Variants in ERBB4 observed in about 807,000 individuals in gnomAD.
ERBB4 encodes the protein receptor tyrosine-protein kinase erbB-4.
In ERBB4, 42 loss-of-function variants were observed where a neutral mutation model predicts 158.0. That is an observed-to-expected ratio of 0.27 (90% CI 0.21 to 0.34). ERBB4 has a LOEUF of 0.34. Ranked by LOEUF, ERBB4 falls within the 10% of genes least tolerant of loss-of-function variation. The pLI, the probability that ERBB4 is intolerant of heterozygous loss-of-function variation, is 1.00. For missense variants in ERBB4, 1,333 were observed against 1,624.1 expected (o/e 0.82, Z 3.08); for synonymous variants, 583 against 558.7 (o/e 1.04, Z -0.61).
At chr2:211,756,438 A>G (rs146614553) in intron 4 of ERBB4, among the ~76,000 whole-genome samples, 55 of 152,332 alleles carry the variant, frequency 3.6e-4, no homozygotes, top group Middle Eastern at 3.4e-3. Flanking sequence ...CATAGTTTGC[A>G]TGAGTAATAG....
chr2:212,411,137 AAAAC>A (rs1345106610), intron 1 of ERBB4, among the ~76,000 whole-genome samples: 1 of 152,260 alleles, frequency 6.6e-6, no homozygotes, highest in South Asian at 2.1e-4. Context: ...AAATAACTAG[AAAAC>A]AAACAAAAAT....
intron 3 of ERBB4, among the ~76,000 whole-genome samples, chr2:211,872,072 G>A (rs955950774): frequency 2.1e-5 from 2 of 95,598 alleles, no homozygotes; most frequent in African/African-American, 6.9e-5. Flanking sequence ...TGCTTTTAAT[G>A]ATTATTCATG....
At chr2:212,189,477 G>A (rs1366048095) in intron 1 of ERBB4, among the ~76,000 whole-genome samples, 3 of 152,044 alleles carry the variant, frequency 2.0e-5, no homozygotes, top group African/African-American at 7.2e-5. Context: ...CAAAAACTCT[G>A]ATCCACCTTC....
intron 19 of ERBB4, among the ~76,000 whole-genome samples, chr2:211,580,873 A>G (rs1323632551): frequency 2.1e-3 from 2 of 940 alleles, no homozygotes; most frequent in South Asian, 0.036. Flanking sequence ...ATACATATAT[A>G]TATATATATA....
chr2:211,726,058 A>G (rs547518028), intron 5 of ERBB4, among the ~76,000 whole-genome samples: 4 of 152,276 alleles, frequency 2.6e-5, no homozygotes, highest in African/African-American at 9.6e-5. Context: ...TTATTCCAAA[A>G]ATATTTTTAG....
At chr2:212,360,634 T>C (rs2089651538) in intron 1 of ERBB4, among the ~76,000 whole-genome samples, 1 of 151,690 alleles carries the variant, frequency 6.6e-6, no homozygotes, top group African/African-American at 2.4e-5. Flanking sequence ...TATTAATGAT[T>C]ATGTATGGAT....
At chr2:212,216,883 A>C (rs181561617) in intron 1 of ERBB4, among the ~76,000 whole-genome samples, 2 of 151,528 alleles carry the variant, frequency 1.3e-5, no homozygotes, top group Admixed American at 1.3e-4. Flanking sequence ...GCAAGAGAGC[A>C]AGAGTACACT....
chr2:211,885,129 C>T (rs1016050385), intron 3 of ERBB4, among the ~76,000 whole-genome samples: 1 of 151,910 alleles, frequency 6.6e-6, no homozygotes, highest in Non-Finnish European at 1.5e-5. Context: ...AAAACTTTTT[C>T]AAAGGTAATA....
intron 2 of ERBB4, among the ~76,000 whole-genome samples, chr2:212,065,021 GTGTGTGT>G (rs1559426149): frequency 2.0e-5 from 3 of 149,434 alleles, no homozygotes; most frequent in African/African-American, 7.4e-5. Context: ...GTGTGTGTGT[GTGTGTGT>G]TGTGTGTGTG....
At chr2:211,877,214 G>T (rs1289806994) in intron 3 of ERBB4, among the ~76,000 whole-genome samples, 1 of 152,158 alleles carries the variant, frequency 6.6e-6, no homozygotes, top group East Asian at 1.9e-4. Flanking sequence ...TTATGACGTG[G>T]TGGCTGAAGC....
At chr2:211,879,443 A>C (rs1414628042) in intron 3 of ERBB4, among the ~76,000 whole-genome samples, 1 of 152,220 alleles carries the variant, frequency 6.6e-6, no homozygotes, top group African/African-American at 2.4e-5. Flanking sequence ...TACAAATTTA[A>C]ATAAATATAT....
chr2:212,155,574 T>C (rs1370138670), intron 1 of ERBB4, among the ~76,000 whole-genome samples: 1 of 152,048 alleles, frequency 6.6e-6, no homozygotes, highest in Non-Finnish European at 1.5e-5. Context: ...TCCAAATAAT[T>C]ATCATGCATA....
rs139234894 is a variant in ERBB4, at chr2:211,432,814, A to G, written c.2488-1714T>C. On this transcript the variant is annotated intron_variant, in intron 20 of 27. Transcript: ENST00000342788. Reference sequence around the variant, plus strand: ...TATAGACAGATACTGAGAAGACAAAAAAGATTCAGATAAGGTCTGTATATT... The same window carrying G: ...TATAGACAGATACTGAGAAGACAAAGAAGATTCAGATAAGGTCTGTATATT... 5.8e-3 allele frequency among the ~76,000 whole-genome samples: 887 copies of G among 152,328 alleles called. 11 individuals carry two copies. Among genetic ancestry groups the G allele is most frequent in the South Asian group, 0.017 (84 of 4,828 alleles).
At chr2:211,644,853 C>A (rs189949631) in intron 16 of ERBB4, among the ~76,000 whole-genome samples, 28 of 152,024 alleles carry the variant, frequency 1.8e-4, no homozygotes, top group African/African-American at 6.0e-4. Flanking sequence ...TCTTTTCAGT[C>A]TTTAAAGCTT....
At chr2:212,185,898 T>C (rs892063833) in intron 1 of ERBB4, among the ~76,000 whole-genome samples, 1 of 152,134 alleles carries the variant, frequency 6.6e-6, no homozygotes. Flanking sequence ...TTTCCATTGT[T>C]CTAAAAATGC....
intron 2 of ERBB4, among the ~76,000 whole-genome samples, chr2:212,061,742 T>C (rs1351430772): frequency 2.7e-5 from 4 of 150,324 alleles, no homozygotes; most frequent in South Asian, 4.2e-4. Flanking sequence ...CTTTTCTTTT[T>C]TTTTTTTTTT....
At chr2:211,911,060 T>G (rs2079529159) in intron 3 of ERBB4, among the ~76,000 whole-genome samples, 1 of 152,194 alleles carries the variant, frequency 6.6e-6, no homozygotes, top group African/African-American at 2.4e-5. Context: ...TGTTATAGAT[T>G]TCCAACTAGC....
At chr2:211,442,696 T>C (rs2064011798) in intron 20 of ERBB4, among the ~76,000 whole-genome samples, 1 of 143,384 alleles carries the variant, frequency 7.0e-6, no homozygotes, top group Non-Finnish European at 1.5e-5. Context: ...TATGTATACG[T>C]GTGTATATAT....
At chr2:212,142,817 C>G (rs865950393) in intron 1 of ERBB4, among the ~76,000 whole-genome samples, 3 of 151,766 alleles carry the variant, frequency 2.0e-5, no homozygotes. Flanking sequence ...GACTCCCAAA[C>G]AAAATGTTAC....
Sources: gnomAD v4.1 joint callset for allele counts (sites outside exome capture counted in the v4.1 genomes callset) on GRCh38, gnomAD v4.1.1 for gene constraint, MANE v1.5 for transcripts, NCBI Gene and HGNC (gene_info 2026-07-23, HGNC 2026-07-21) for gene names.